The following OCA2 variants were observed in gnomAD, a reference collection of about 807,000 sequenced individuals.
The protein encoded by OCA2 is P protein.
OCA2 carries 77 observed loss-of-function variants against 100.2 expected under a neutral mutation model. The observed-to-expected ratio is 0.77, with a 90% CI of 0.64 to 0.93. The LOEUF is 0.93. Ranked by LOEUF, OCA2 falls within the 40% of genes least tolerant of loss-of-function variation. The probability of loss-of-function intolerance (pLI) is 0.00; values close to 1 mark genes in which losing one functional copy is unlikely to be tolerated. For missense variants in OCA2, 1,062 were observed against 1,089.1 expected (o/e 0.98, Z 0.35); for synonymous variants, 432 against 439.2 (o/e 0.98, Z 0.21).
chr15:27,935,008 C>T (rs2039401735), intron 18 of OCA2, among the ~76,000 whole-genome samples: 1 of 152,178 alleles, frequency 6.6e-6, no homozygotes, highest in Non-Finnish European at 1.5e-5. Flanking sequence ...GCCCCGGTCC[C>T]TGTGAGCAAT....
At chr15:27,828,088 A>C (rs2034804314) in intron 23 of OCA2, among the ~76,000 whole-genome samples, 1 of 152,170 alleles carries the variant, frequency 6.6e-6, no homozygotes, top group South Asian at 2.1e-4. Context: ...GTACAGGTGA[A>C]GTGAGGTTGG....
chr15:27,925,083 A>G (rs145586810), intron 19 of OCA2, among the ~76,000 whole-genome samples: 2 of 152,340 alleles, frequency 1.3e-5, no homozygotes, highest in Non-Finnish European at 2.9e-5. Flanking sequence ...TCCTCAAGAT[A>G]CATGAAGCAA....
the OCA2 span, among the ~76,000 whole-genome samples, chr15:27,749,303 T>C: frequency 6.6e-6 from 1 of 152,142 alleles, no homozygotes; most frequent in Admixed American, 6.5e-5. Context: ...CACAAGGAAG[T>C]AACAGAGCAT....
intron 2 of OCA2, among the ~76,000 whole-genome samples, chr15:28,071,172 TA>T (rs756669802): frequency 2.6e-3 from 326 of 125,964 alleles, no homozygotes; most frequent in African/African-American, 5.0e-3. Flanking sequence ...AAAAATAAAT[TA>T]AAAAAAAAAA....
intron 2 of OCA2, among the ~76,000 whole-genome samples, chr15:28,069,023 A>G (rs903517266): frequency 6.6e-6 from 1 of 152,172 alleles, no homozygotes; most frequent in African/African-American, 2.4e-5. Context: ...TCCCCTTGAG[A>G]GCTGGAACAA....
chr15:27,908,803 C>A (rs2038278205), intron 19 of OCA2, among the ~76,000 whole-genome samples: 1 of 152,162 alleles, frequency 6.6e-6, no homozygotes, highest in Admixed American at 6.5e-5. Context: ...ACATCCTCTG[C>A]CTAACATATA....
chr15:27,767,951 G>A (rs1359419404), intron 23 of OCA2, among the ~76,000 whole-genome samples: 1 of 152,208 alleles, frequency 6.6e-6, no homozygotes, highest in East Asian at 1.9e-4. Flanking sequence ...ACCTCTGTTT[G>A]GACTTGCCAC....
At chr15:27,719,417 T>A in the OCA2 span, among the ~76,000 whole-genome samples, 11 of 152,126 alleles carry the variant, frequency 7.2e-5, no homozygotes, top group Non-Finnish European at 2.9e-5. Context: ...TAGCTCCAGA[T>A]ACCTAAATGC....
At chr15:27,845,776 G>A (rs902205801) in intron 22 of OCA2, among the ~76,000 whole-genome samples, 1 of 152,126 alleles carries the variant, frequency 6.6e-6, no homozygotes, top group Admixed American at 6.5e-5. Flanking sequence ...GCTGAGTCCT[G>A]ATGTCCGTGC....
At chr15:27,755,516 TA>T in intron 23 of OCA2, 44 bp from the exon 24 acceptor site, 1 of 1,488,452 alleles carries the variant, frequency 6.7e-7, no homozygotes, top group Non-Finnish European at 9.4e-7. Context: ...GAAATCTGGA[TA>T]ATCTCATGAG....
chr15:27,967,432 C>G (rs979774997), intron 14 of OCA2, among the ~76,000 whole-genome samples: 18 of 152,338 alleles, frequency 1.2e-4, no homozygotes, highest in African/African-American at 3.8e-4. Context: ...CTAACTCAAC[C>G]TTGGCTTGGT....
intron 18 of OCA2, among the ~76,000 whole-genome samples, chr15:27,929,937 C>G (rs1218938114): frequency 6.6e-6 from 1 of 152,052 alleles, no homozygotes; most frequent in Non-Finnish European, 1.5e-5. Context: ...ACCACAATGA[C>G]ATTTCACTAT....
intron 1 of OCA2, among the ~76,000 whole-genome samples, chr15:28,085,266 C>A (rs2044758684): frequency 1.3e-5 from 2 of 152,186 alleles, no homozygotes; most frequent in South Asian, 4.1e-4. Context: ...ACACCCTTCC[C>A]CCTTTCACTC....
rs56999660 is a variant in OCA2, at chr15:28,050,241, C to T, written c.228-18078G>A. On this transcript the variant is annotated intron_variant, in intron 2 of 23. Coordinates refer to ENST00000354638, the MANE Select transcript of OCA2 (RefSeq NM_000275.3). ...TTCAGGCTGCAGTGAGCTTTGATCG[C>T]ACCATTGCACTCCAGTCTGGGCAAC... 9.1e-3 allele frequency among the ~76,000 whole-genome samples: 1,381 copies of T among 152,134 alleles called. 31 individuals are homozygous for T. The highest frequency in any genetic ancestry group is 0.031 in the African/African-American group (1,307 of 41,504).
At chr15:27,811,329 CA>C (rs906105747) in intron 23 of OCA2, among the ~76,000 whole-genome samples, 12 of 152,030 alleles carry the variant, frequency 7.9e-5, no homozygotes, top group African/African-American at 2.4e-4. Flanking sequence ...CAAGGGCATA[CA>C]GAGTGATATA....
chr15:27,733,728 AT>A, the OCA2 span, among the ~76,000 whole-genome samples: 1 of 152,172 alleles, frequency 6.6e-6, no homozygotes, highest in Non-Finnish European at 1.5e-5. Flanking sequence ...TTAATTTTTT[AT>A]TTATTAATAA....
intron 23 of OCA2, among the ~76,000 whole-genome samples, chr15:27,837,988 G>C: frequency 6.6e-6 from 1 of 152,008 alleles, no homozygotes; most frequent in East Asian, 1.9e-4. Context: ...ACTGACTCCG[G>C]CTGGCCACCC....
the OCA2 span, among the ~76,000 whole-genome samples, chr15:27,723,522 C>T: frequency 3.3e-5 from 5 of 151,816 alleles, no homozygotes; most frequent in African/African-American, 9.7e-5. Context: ...AGAAGGGCAC[C>T]CCCACCACCA....
In OCA2 at chr15:27,824,602, C is replaced by CTCTCTCTCTCTCTATATATA; in HGVS notation, c.2432+20356_2432+20357insTATATATAGAGAGAGAGAGA. On this transcript the variant is annotated intron_variant, in intron 23 of 23. Coordinates refer to ENST00000354638, the MANE Select transcript of OCA2 (RefSeq NM_000275.3). ...TTTCTCTCTCTCTCTCTCTCTCTCT[C>CTCTCTCTCTCTCTATATATA]TATATATATATATATATATAATATA... Among the ~76,000 whole-genome samples the CTCTCTCTCTCTCTATATATA allele has an allele frequency of 1.7e-3, 83 of 47,570 alleles. 3 individuals are homozygous for CTCTCTCTCTCTCTATATATA. The highest frequency in any genetic ancestry group is 0.019 in the East Asian group (1 of 54). The allele number at this position is 47,570 out of a possible 152,430, so 31.2% of individuals were successfully genotyped here. A position where few individuals can be genotyped will look rare whatever the true frequency, so the allele number is the denominator to read the frequency against.
Sources: gnomAD v4.1 joint callset for allele counts (sites outside exome capture counted in the v4.1 genomes callset) on GRCh38, gnomAD v4.1.1 for gene constraint, MANE v1.5 for transcripts, NCBI Gene and HGNC (gene_info 2026-07-23, HGNC 2026-07-21) for gene names.